The following LRIF1 variants were observed in gnomAD, a reference collection of about 807,000 sequenced individuals.
LRIF1 encodes the protein ligand-dependent nuclear receptor-interacting factor 1.
In LRIF1, 32 loss-of-function variants were observed where a neutral mutation model predicts 52.7. The ratio of observed to expected loss-of-function variants is 0.61; its 90% CI spans 0.46 to 0.82. LRIF1 has a LOEUF of 0.82. Ranked by LOEUF, LRIF1 falls within the 40% of genes least tolerant of loss-of-function variation. The pLI is 0.00. For missense variants in LRIF1, 887 were observed against 892.0 expected (o/e 0.99, Z 0.07); for synonymous variants, 323 against 317.4 (o/e 1.02, Z -0.19).
the LRIF1 span, among the ~76,000 whole-genome samples, chr1:110,904,114 T>C: frequency 1.7e-4 from 26 of 152,090 alleles, no homozygotes; most frequent in African/African-American, 4.8e-4. Context: ...CACAGTACAA[T>C]AGAATATCAG....
At chr1:110,953,374 T>C (rs977548395) in intron 1 of LRIF1, among the ~76,000 whole-genome samples, 7 of 152,240 alleles carry the variant, frequency 4.6e-5, no homozygotes, top group African/African-American at 1.4e-4. Context: ...ACTGTTTACA[T>C]AGGAATCATT....
At chr1:110,902,919 C>T in the LRIF1 span, among the ~76,000 whole-genome samples, 1 of 152,148 alleles carries the variant, frequency 6.6e-6, no homozygotes, top group South Asian at 2.1e-4. Context: ...CTAATGCCAC[C>T]CCTGGCAGCA....
chr1:110,902,495 T>TAAAAAAAAAAAAAA, the LRIF1 span, among the ~76,000 whole-genome samples: 17 of 72,664 alleles, frequency 2.3e-4, no homozygotes, highest in African/African-American at 2.8e-4. Flanking sequence ...AATCAATCAC[T>TAAAAAAAAAAAAAA]AAAAAAAAAA....
At chr1:110,876,615 CT>C in the LRIF1 span, among the ~76,000 whole-genome samples, 1 of 151,866 alleles carries the variant, frequency 6.6e-6, no homozygotes, top group Non-Finnish European at 1.5e-5. Context: ...TATGGCTTAC[CT>C]TATATCAGGA....
intron 1 of LRIF1, among the ~76,000 whole-genome samples, chr1:110,954,850 T>G (rs1442754197): frequency 6.6e-6 from 1 of 152,238 alleles, no homozygotes; most frequent in Non-Finnish European, 1.5e-5. Flanking sequence ...GGCTCCTCAG[T>G]CTTCTTTGCC....
the LRIF1 span, among the ~76,000 whole-genome samples, chr1:110,887,934 C>T: frequency 2.6e-5 from 4 of 152,090 alleles, no homozygotes; most frequent in South Asian, 6.2e-4. Flanking sequence ...TCAAACATCT[C>T]GAAATGGGGT....
chr1:110,893,654 G>A, the LRIF1 span, among the ~76,000 whole-genome samples: 1 of 152,352 alleles, frequency 6.6e-6, no homozygotes, highest in Admixed American at 6.5e-5. Context: ...GGAGCCAAGA[G>A]AAAGAATTTT....
At chr1:110,961,620 A>T (rs1658949891) in intron 1 of LRIF1, among the ~76,000 whole-genome samples, 1 of 152,180 alleles carries the variant, frequency 6.6e-6, no homozygotes, top group South Asian at 2.1e-4. Context: ...CTACTGAAAA[A>T]TTTTAAATAA....
At chr1:110,918,845 T>C in the LRIF1 span, among the ~76,000 whole-genome samples, 6 of 151,950 alleles carry the variant, frequency 3.9e-5, no homozygotes, top group Non-Finnish European at 8.8e-5. Flanking sequence ...AACTACACAC[T>C]CAGATTAAGA....
intron 1 of LRIF1, among the ~76,000 whole-genome samples, chr1:110,958,088 C>T (rs747812438): frequency 1.1e-4 from 16 of 152,156 alleles, no homozygotes; most frequent in Non-Finnish European, 2.1e-4. Context: ...ATCTCTTGTT[C>T]AAAGTTTTAG....
the LRIF1 span, chr1:110,940,494 A>G: frequency 8.5e-5 from 13 of 152,328 alleles, no homozygotes; most frequent in African/African-American, 3.1e-4. Context: ...ACCCTCCAAA[A>G]AAAGAAATCA....
At chr1:110,926,295 G>C in the LRIF1 span, among the ~76,000 whole-genome samples, 1 of 151,894 alleles carries the variant, frequency 6.6e-6, no homozygotes, top group Admixed American at 6.6e-5. Flanking sequence ...AGGATAGTTA[G>C]GCTAAGGGAA....
intron 2 of LRIF1, 98 bp downstream of exon 2, chr1:110,951,190 A>G: frequency 1.0e-6 from 1 of 964,416 alleles, no homozygotes; most frequent in South Asian, 1.7e-5. Context: ...TGGGGTTGGC[A>G]GTGGGGGAAA....
At chr1:110,903,150 C>G in the LRIF1 span, among the ~76,000 whole-genome samples, 2 of 152,222 alleles carry the variant, frequency 1.3e-5, no homozygotes, top group Non-Finnish European at 2.9e-5. Context: ...TCACCAACAG[C>G]TACAGTGCTA....
intron 1 of LRIF1, chr1:110,953,083 T>C (rs1405498076): frequency 6.1e-6 from 1 of 165,166 alleles, no homozygotes; most frequent in Non-Finnish European, 1.3e-5. Context: ...TTTTGCCCTA[T>C]ATAAAATTAT....
Position 110,948,363 on chromosome 1 carries a change from T to G in LRIF1, c.1906A>C (p.Lys636Gln). Reference protein sequence around the residue: ...FDKKRKAKTNKKMDHIKKRKT... With the variant: ...FDKKRKAKTNQKMDHIKKRKT... ...CTCTTCTTTATGTGATCCATCTTCTTATTAGTTTTTGCTTTTCTTTTCTTA... is the reference window on the plus strand; with the variant it reads ...CTCTTCTTTATGTGATCCATCTTCTGATTAGTTTTTGCTTTTCTTTTCTTA... Residue 636 changes from lysine (K) to glutamine (Q), a missense_variant, in exon 4 of 4, where the codon AAG (lysine) becomes CAG (glutamine). Lys to Gln is a moderately conservative substitution (Grantham distance 53). Transcript: ENST00000369763. 1 of 1,612,932 alleles carries G rather than the reference T, an allele frequency of 6.2e-7. No individual in the cohort carries two copies. Among genetic ancestry groups the G allele is most frequent in the Non-Finnish European group, 8.5e-7 (1 of 1,179,462 alleles).
the LRIF1 span, among the ~76,000 whole-genome samples, chr1:110,931,965 T>C: frequency 3.9e-5 from 6 of 152,236 alleles, no homozygotes; most frequent in Non-Finnish European, 2.9e-5. Context: ...TTTCTTTTGC[T>C]GTGCAGAAGC....
the LRIF1 span, among the ~76,000 whole-genome samples, chr1:110,881,362 CT>C: frequency 6.6e-6 from 1 of 151,764 alleles, no homozygotes; most frequent in South Asian, 2.1e-4. Flanking sequence ...AGAATGTACT[CT>C]TTTTTATTTA....
chr1:110,912,389 T>C, the LRIF1 span, among the ~76,000 whole-genome samples: 3 of 152,074 alleles, frequency 2.0e-5, no homozygotes, highest in Admixed American at 2.0e-4. Context: ...TTTTTGTATT[T>C]TTAGTAGAGA....
Sources: gnomAD v4.1 joint callset for allele counts (sites outside exome capture counted in the v4.1 genomes callset) on GRCh38, gnomAD v4.1.1 for gene constraint, MANE v1.5 for transcripts, NCBI Gene and HGNC (gene_info 2026-07-23, HGNC 2026-07-21) for gene names.